Variants in CFAP46 observed in about 807,000 individuals in gnomAD.
The protein encoded by CFAP46 is cilia- and flagella-associated protein 46.
A neutral mutation model predicts 325.7 loss-of-function variants in CFAP46; 245 were observed. That is an observed-to-expected ratio of 0.75 (90% confidence interval 0.68 to 0.84). The LOEUF is 0.84. Ranked by LOEUF, CFAP46 falls within the 40% of genes least tolerant of loss-of-function variation. CFAP46 has a pLI of 0.00. For missense variants in CFAP46, 3,346 were observed against 3,543.0 expected (o/e 0.94, Z 1.41); for synonymous variants, 1,523 against 1,495.9 (o/e 1.02, Z -0.42).
At chr10:132,908,433 T>C (rs1371434525) in intron 22 of CFAP46, 35 bp downstream of exon 22, 5 of 1,549,690 alleles carry the variant, frequency 3.2e-6, no homozygotes, top group Non-Finnish European at 4.4e-6. Flanking sequence ...CCTGCCCGTT[T>C]TGAGGGAATT....
chr10:132,829,146 A>G (rs1848109002), intron 50 of CFAP46, among the ~76,000 whole-genome samples: 1 of 150,792 alleles, frequency 6.6e-6, no homozygotes, highest in South Asian at 2.1e-4. Context: ...TCTATAGATC[A>G]CCTTGGGGCA....
At chr10:132,851,406 TAACA>T (rs1848542695) in intron 39 of CFAP46, 101 bp from the exon 40 acceptor site, 1 of 1,126,520 alleles carries the variant, frequency 8.9e-7, no homozygotes, top group Non-Finnish European at 1.3e-6. Flanking sequence ...AAGAAACTCA[TAACA>T]AACTGCGCAG....
At position 132,876,427 on chromosome 10, in the gene CFAP46, C is replaced by A. The variant is rs1848958119; in HGVS notation, c.4362+385G>T. Reference sequence around the variant, plus strand: ...ATGAGGAAAGAGGGATCTTCCCCGGCCCCTTTGGAGGGTGTGCCACCCTCC... The same window carrying A: ...ATGAGGAAAGAGGGATCTTCCCCGGACCCTTTGGAGGGTGTGCCACCCTCC... On this transcript the variant is annotated intron_variant, in intron 31 of 57. Coordinates refer to ENST00000368586, the MANE Select transcript of CFAP46 (RefSeq NM_001200049.3). This position sits in a 1 kb window ranked among gnomAD's most constrained non-coding sequence, Gnocchi z 4.1. Among the ~76,000 whole-genome samples the A allele has an allele frequency of 6.6e-6, 1 of 152,226 alleles. No homozygotes were observed.
intron 8 of CFAP46, among the ~76,000 whole-genome samples, chr10:132,932,709 T>A (rs1211130035): frequency 6.6e-6 from 1 of 152,252 alleles, no homozygotes; most frequent in East Asian, 1.9e-4. Context: ...CAGTCACCAA[T>A]CAGGGTCTTT....
rs758326808 is a variant in CFAP46, at chr10:132,860,502, G to A, written c.5113C>T (p.Leu1705Phe). ...EATVCHIFQK[L>F]INAFKILKKE... ...TTGAGGATCTTGAAGGCATTGATGA[G>A]CTTCTGAAATATGTGACACACCTGA... is the stretch of plus-strand genomic sequence containing the variant. Residue 1705 changes from leucine to phenylalanine, a missense_variant, in exon 37 of 58, where the codon CTC (leucine) becomes TTC (phenylalanine). Physicochemically the swap from Leu to Phe is conservative, Grantham distance 22 (BLOSUM62 0). Coordinates refer to ENST00000368586, the MANE Select transcript of CFAP46 (RefSeq NM_001200049.3). 6.4e-7 allele frequency: 1 copy of A among 1,550,970 alleles called. No homozygotes were observed.
chr10:132,915,901 A>T (rs1564799710), intron 17 of CFAP46, among the ~76,000 whole-genome samples: 1 of 152,184 alleles, frequency 6.6e-6, no homozygotes, highest in Non-Finnish European at 1.5e-5. Flanking sequence ...GCACCCCAAA[A>T]ACGGTAAAAT....
At position 132,847,051 on chromosome 10, in the gene CFAP46, G is replaced by A. The variant is rs769461605; in HGVS notation, c.6148C>T (p.Leu2050=). The stretch of plus-strand genomic sequence containing the variant: ...AGGCCACTGCCAAGGGCCACCTGTA[G>A]GCACTGCAGCAGCACCTCTGACGCC... ...AQASEVLLQC[L]QVALGSGLLD... is the part of the protein sequence containing the mutation. The change falls in exon 43 of 58, where the codon CTA becomes TTA. Residue 2050 remains leucine (L), a synonymous_variant. Coordinates refer to ENST00000368586, the MANE Select transcript of CFAP46 (RefSeq NM_001200049.3). This position sits in a 1 kb window ranked among gnomAD's most constrained non-coding sequence, Gnocchi z 5.2. 1.2e-6 allele frequency: 2 copies of A among 1,612,688 alleles called. No individual in the cohort carries two copies. Among genetic ancestry groups the A allele is most frequent in the Admixed American group, 1.7e-5 (1 of 60,002 alleles).
rs1384701682 is a variant in CFAP46, at chr10:132,912,776, C to A, written c.2378G>T (p.Gly793Val). 3 of 1,550,174 alleles carry A rather than the reference C, an allele frequency of 1.9e-6. No individual in the cohort carries two copies. Among genetic ancestry groups the A allele is most frequent in the Middle Eastern group, 3.3e-4 (2 of 5,992 alleles). Residue 793 changes from glycine (G) to valine (V), a missense_variant, in exon 19 of 58, where the codon GGC (glycine) becomes GTC (valine). Gly to Val is a moderately radical substitution (Grantham distance 109, BLOSUM62 -3). Transcript: ENST00000368586. ...LVTLCNTLAR[G>V]LIISWIPVQA... is the part of the protein sequence containing the mutation. ...GACTGGAATCCAGCTGATGATCAGG[C>A]CTCGCGCCAAGGTGTTGCAGAGCGT... is the stretch of plus-strand genomic sequence containing the variant.
At chr10:132,822,801 G>GATGTGTGCTGTGTGTGTT (rs1847902017) in intron 50 of CFAP46, among the ~76,000 whole-genome samples, 1 of 66,836 alleles carries the variant, frequency 1.5e-5, no homozygotes, top group Non-Finnish European at 3.7e-5. Flanking sequence ...CTGTGTGTGT[G>GATGTGTGCTGTGTGTGTT]CTGATGTGTG....
chr10:132,843,126 CT>C (rs1372487482), intron 44 of CFAP46, among the ~76,000 whole-genome samples: 3 of 152,232 alleles, frequency 2.0e-5, no homozygotes, highest in African/African-American at 7.2e-5. Context: ...GCTGCATTCA[CT>C]TTTCCCAGAA....
At chr10:132,851,463 C>T (rs183588657) in intron 39 of CFAP46, among the ~76,000 whole-genome samples, 158 bp from the exon 40 acceptor site, 1 of 152,312 alleles carries the variant, frequency 6.6e-6, no homozygotes, top group East Asian at 1.9e-4. Flanking sequence ...CGAATACACC[C>T]GTGAAACCAT....
At chr10:132,862,436 G>A (rs1848735835) in intron 35 of CFAP46, among the ~76,000 whole-genome samples, 3 of 150,136 alleles carry the variant, frequency 2.0e-5, no homozygotes, top group African/African-American at 7.4e-5. Context: ...AGAGGACAGG[G>A]TGGGTGGGGC....
In CFAP46 at chr10:132,814,649, G is replaced by A. The variant is rs368655811; in HGVS notation, c.7249+37C>T. On this transcript the variant is annotated intron_variant, in intron 52 of 57. Coordinates refer to ENST00000368586, the MANE Select transcript of CFAP46 (RefSeq NM_001200049.3). ...TCAAGGAGAAACGGGAGCACAGGGC[G>A]GGGTCTGGGGCCCCCCCGGGGCCCA... 27 of 1,582,430 alleles carry A rather than the reference G, an allele frequency of 1.7e-5. No homozygotes were observed. In the Middle Eastern group the frequency reaches 5.1e-4, roughly 30 times the overall value.
chr10:132,915,499 T>C (rs929845827), intron 17 of CFAP46, among the ~76,000 whole-genome samples: 1 of 152,234 alleles, frequency 6.6e-6, no homozygotes, highest in Admixed American at 6.5e-5. Flanking sequence ...CAGGCGTGCA[T>C]GGCAAGCAGG....
Position 132,889,440 on chromosome 10 carries a change from C to T in CFAP46, c.3304+2893G>A, listed in dbSNP as rs944276604. 6.6e-6 allele frequency among the ~76,000 whole-genome samples: 1 copy of T among 152,216 alleles called. No individual in the cohort carries two copies. The highest frequency in any genetic ancestry group is 1.5e-5 in the Non-Finnish European group (1 of 68,036). On this transcript the variant is annotated intron_variant, in intron 25 of 57. Coordinates refer to ENST00000368586, the MANE Select transcript of CFAP46 (RefSeq NM_001200049.3). The surrounding 1 kb of genome is among the most constrained non-coding windows in gnomAD (Gnocchi z 6.0). ...TTCACACTCTGCCAGGCCCTCCTCA[C>T]CCAGGCACTGGCCAGAGAAGCGGGT...
chr10:132,912,862 G>A (rs1229853940), intron 18 of CFAP46, 42 bp from the exon 19 acceptor site: 2 of 1,542,026 alleles, frequency 1.3e-6, no homozygotes, highest in East Asian at 2.4e-5. Context: ...GCCCCCGCAG[G>A]CCTCGCCCCG....
At chr10:132,895,899 G>A (rs1849310966) in intron 24 of CFAP46, among the ~76,000 whole-genome samples, 1 of 144,702 alleles carries the variant, frequency 6.9e-6, no homozygotes, top group African/African-American at 2.6e-5. Context: ...CCTTCTGTGT[G>A]CCACATGAAG....
rs1050514632 is a variant in CFAP46 at position 132,847,987 on chromosome 10, C to T, written c.5953-666G>A. Among the ~76,000 whole-genome samples the T allele has an allele frequency of 6.6e-6, 1 of 152,142 alleles. No homozygotes were observed. The highest frequency in any genetic ancestry group is 2.4e-5 in the African/African-American group (1 of 41,442). ...GCTGGAGGCAGGGCAGCCGTGGCCACCTGACACGCACGGCTGCCTGACATG... is the reference window on the plus strand; with the variant it reads ...GCTGGAGGCAGGGCAGCCGTGGCCATCTGACACGCACGGCTGCCTGACATG... On this transcript the variant is annotated intron_variant, in intron 41 of 57. Transcript: ENST00000368586. The surrounding 1 kb of genome is among the most constrained non-coding windows in gnomAD (Gnocchi z 5.2).
In CFAP46 at chr10:132,919,528, G is replaced by A. The variant is rs1343799354; in HGVS notation, c.1731-86C>T. 6.8e-7 allele frequency: 1 copy of A among 1,466,630 alleles called. No individual in the cohort carries two copies. Among genetic ancestry groups the A allele is most frequent in the African/African-American group, 1.4e-5 (1 of 70,424 alleles). The allele number at this position is 1,466,630 out of a possible 1,614,324, so 90.9% of individuals were successfully genotyped here. A position where few individuals can be genotyped will look rare whatever the true frequency, so the allele number is the denominator to read the frequency against. On this transcript the variant is annotated intron_variant, in intron 14 of 57. Transcript: ENST00000368586. The surrounding 1 kb of genome is among the most constrained non-coding windows in gnomAD (Gnocchi z 9.7). ...GAAAACACCTGGGCTGGCTGCCTGA[G>A]AAAAGGCCACTGTGGCTCTGCAGTT...
Sources: gnomAD v4.1 joint callset for allele counts (sites outside exome capture counted in the v4.1 genomes callset) on GRCh38, gnomAD v4.1.1 for gene constraint, Gnocchi (gnomAD v3.1) non-coding constraint, MANE v1.5 for transcripts, NCBI Gene and HGNC (gene_info 2026-07-23, HGNC 2026-07-21) for gene names.